GARIN2: variants seen among roughly 807,000 people sequenced by gnomAD.
The protein encoded by GARIN2 is Golgi-associated RAB2 interactor protein 2.
chr14:67,228,327 T>G, the GARIN2 span: 1 of 464,566 alleles, frequency 2.2e-6, no homozygotes, highest in Non-Finnish European at 2.8e-6. Flanking sequence ...ATTTTACCTG[T>G]ATTTAGTTCA....
the GARIN2 span, among the ~76,000 whole-genome samples, chr14:67,206,516 A>C: frequency 6.6e-6 from 1 of 152,206 alleles, no homozygotes; most frequent in African/African-American, 2.4e-5. Context: ...CAAACAAACA[A>C]AAAAACCTAA....
At chr14:67,205,893 A>G in the GARIN2 span, among the ~76,000 whole-genome samples, 3 of 152,218 alleles carry the variant, frequency 2.0e-5, no homozygotes, top group Non-Finnish European at 2.9e-5. Flanking sequence ...TAGGTCCACA[A>G]TAGAAAAAAG....
At chr14:67,221,765 A>G in the GARIN2 span, 2 of 1,612,926 alleles carry the variant, frequency 1.2e-6, no homozygotes, top group South Asian at 1.1e-5. Flanking sequence ...GAGATGTGCT[A>G]TTTATTTTTA....
At chr14:67,206,609 AAGGT>A in the GARIN2 span, among the ~76,000 whole-genome samples, 2 of 152,360 alleles carry the variant, frequency 1.3e-5, no homozygotes, top group African/African-American at 4.8e-5. Flanking sequence ...TTAAGTGAAA[AAGGT>A]AGGAGACAGA....
At chr14:67,225,657 CT>C in the GARIN2 span, among the ~76,000 whole-genome samples, 1 of 152,128 alleles carries the variant, frequency 6.6e-6, no homozygotes, top group Non-Finnish European at 1.5e-5. Flanking sequence ...CGTAGAGTGC[CT>C]GCAGGGCTGT....
the GARIN2 span, among the ~76,000 whole-genome samples, chr14:67,217,185 C>T: frequency 2.6e-5 from 4 of 150,990 alleles, no homozygotes; most frequent in African/African-American, 7.3e-5. Flanking sequence ...TTTACAGTTT[C>T]TGACATAAAT....
At chr14:67,193,012 CTAGA>C in the GARIN2 span, among the ~76,000 whole-genome samples, 7 of 144,394 alleles carry the variant, frequency 4.8e-5, no homozygotes, top group African/African-American at 1.8e-4. Flanking sequence ...ATATCAATAT[CTAGA>C]TATAGATATA....
chr14:67,199,098 G>T, the GARIN2 span: 1 of 1,103,672 alleles, frequency 9.1e-7, no homozygotes, highest in Non-Finnish European at 1.4e-6. Flanking sequence ...GAACCAGGAT[G>T]CCACTGTGTA....
chr14:67,227,898 G>T, the GARIN2 span, among the ~76,000 whole-genome samples: 1 of 152,188 alleles, frequency 6.6e-6, no homozygotes, highest in Middle Eastern at 3.4e-3. Flanking sequence ...GGCCGGGTGC[G>T]GTGGCTCACG....
At chr14:67,212,576 G>T in the GARIN2 span, among the ~76,000 whole-genome samples, 1 of 119,378 alleles carries the variant, frequency 8.4e-6, no homozygotes, top group African/African-American at 3.3e-5. Context: ...GGGTGACAGA[G>T]CAAGACCCTG....
chr14:67,210,247 G>T, the GARIN2 span, among the ~76,000 whole-genome samples: 2 of 152,180 alleles, frequency 1.3e-5, no homozygotes, highest in African/African-American at 4.8e-5. Flanking sequence ...TCGATTTCGT[G>T]AAACAACAGA....
chr14:67,225,005 C>G, the GARIN2 span: 4 of 857,854 alleles, frequency 4.7e-6, no homozygotes, highest in East Asian at 2.9e-5. Flanking sequence ...AAAATAAGCT[C>G]TTTCTCCTTC....
At chr14:67,190,748 G>T in the GARIN2 span, among the ~76,000 whole-genome samples, 1 of 152,188 alleles carries the variant, frequency 6.6e-6, no homozygotes, top group Non-Finnish European at 1.5e-5. Context: ...CTCCTGCAAA[G>T]GTGCAACCAG....
chr14:67,200,354 A>G, the GARIN2 span: 1 of 634,718 alleles, frequency 1.6e-6, no homozygotes, highest in Non-Finnish European at 2.8e-6. Context: ...CTCCTATTAC[A>G]TCTTCCCAAT....
chr14:67,194,199 C>T, the GARIN2 span, among the ~76,000 whole-genome samples: 1 of 151,258 alleles, frequency 6.6e-6, no homozygotes, highest in Non-Finnish European at 1.5e-5. Context: ...CCCGTCTCTA[C>T]AAAAAAATAC....
chr14:67,201,574 G>A, the GARIN2 span: 183 of 454,928 alleles, frequency 4.0e-4, no homozygotes, highest in Non-Finnish European at 5.9e-4. Context: ...TGTATGTCTT[G>A]CTGGTCACAT....
At chr14:67,228,421 T>C in the GARIN2 span, 912 of 387,302 alleles carry the variant, frequency 2.4e-3, 6 homozygotes, top group African/African-American at 0.019. Context: ...TTCTCCACCT[T>C]TTTTTAAAAT....
the GARIN2 span, among the ~76,000 whole-genome samples, chr14:67,191,139 C>T: frequency 2.0e-4 from 31 of 152,302 alleles, 1 homozygote; most frequent in Admixed American, 1.8e-3. Context: ...GAGGCTGAAG[C>T]ATGAGAATCA....
chr14:67,194,855 A>C, the GARIN2 span, among the ~76,000 whole-genome samples: 2 of 152,180 alleles, frequency 1.3e-5, no homozygotes, highest in Non-Finnish European at 2.9e-5. Flanking sequence ...TCAGGGTTTC[A>C]CAACGTTGGC....
Sources: allele counts gnomAD v4.1 joint callset (sites outside exome capture counted in the v4.1 genomes callset), GRCh38; gene constraint gnomAD v4.1.1; transcripts MANE v1.5; gene names NCBI Gene and HGNC (gene_info 2026-07-23, HGNC 2026-07-21).